LRRC9: variants seen among roughly 807,000 people sequenced by gnomAD.
LRRC9 encodes the protein leucine rich repeat containing 9, also known as leucine-rich repeat-containing protein 9.
In LRRC9, 122 loss-of-function variants were observed where a neutral mutation model predicts 63.2. The observed-to-expected ratio is 1.93, with a 90% CI of 1.67 to 2.24. The LOEUF (loss-of-function observed/expected upper bound fraction) is 2.24, where lower values mean the gene tolerates loss of function less well. Among genes scored for constraint, LRRC9 ranks in the 30% most tolerant of loss-of-function variants. LRRC9 has a pLI of 0.00. For synonymous variants in LRRC9, 366 were observed against 213.1 expected (o/e 1.72, Z -6.25); for missense variants, 1,071 against 627.7 (o/e 1.71, Z -7.55).
intron 17 of LRRC9, among the ~76,000 whole-genome samples, chr14:59,991,827 C>G (rs112359835): frequency 6.1e-4 from 89 of 145,122 alleles, no homozygotes; most frequent in African/African-American, 1.1e-3. Flanking sequence ...GCTCGAACTG[C>G]GTGGAGCCCA....
intron 29 of LRRC9, among the ~76,000 whole-genome samples, chr14:60,041,496 G>C (rs1351005062): frequency 6.6e-6 from 1 of 152,096 alleles, no homozygotes; most frequent in Non-Finnish European, 1.5e-5. Flanking sequence ...TTCGTTTGAT[G>C]TTCAATCACT....
intron 27 of LRRC9, among the ~76,000 whole-genome samples, chr14:60,023,990 G>A (rs1387717679): frequency 6.6e-6 from 1 of 152,080 alleles, no homozygotes; most frequent in East Asian, 1.9e-4. Context: ...CTTTTTTATG[G>A]CTGCATAGTA....
chr14:59,941,594 A>C (rs1881771476), intron 7 of LRRC9, among the ~76,000 whole-genome samples: 1 of 152,048 alleles, frequency 6.6e-6, no homozygotes, highest in Non-Finnish European at 1.5e-5. Context: ...ATTCAAATTT[A>C]ATTTGGCATC....
chr14:59,922,845 C>A lies in LRRC9; in HGVS notation c.-34+2962C>A, dbSNP rs1437987488. Among the ~76,000 whole-genome samples the A allele has an allele frequency of 6.6e-6, 1 of 152,164 alleles. No homozygotes were observed. The highest frequency in any genetic ancestry group is 2.4e-5 in the African/African-American group (1 of 41,442). The stretch of plus-strand genomic sequence containing the variant: ...AGAGGAAATTGAGGAAAATATAAAA[C>A]ATTTGTTGCTGAAGATCTAACTGAA... On this transcript the variant is annotated intron_variant, in intron 1 of 31. Transcript: ENST00000445360. This position sits in a 1 kb window ranked among gnomAD's most constrained non-coding sequence, Gnocchi z 5.3.
rs1889753545 is a variant in LRRC9, at chr14:59,932,044, G to T, written c.543+5G>T. The T allele has an allele frequency of 2.9e-6, 2 of 696,146 alleles. No homozygotes were observed. Among genetic ancestry groups the T allele is most frequent in the South Asian group, 3.0e-5 (2 of 66,204 alleles). 43.1% of individuals were successfully genotyped at this position (696,146 alleles called of 1,614,324 possible). A position where few individuals can be genotyped will look rare whatever the true frequency, so the allele number is the denominator to read the frequency against. On this transcript the variant is annotated splice_donor_5th_base_variant and intron_variant, in intron 6 of 31. Transcript: ENST00000445360. This position sits in a 1 kb window ranked among gnomAD's most constrained non-coding sequence, Gnocchi z 4.7. ...AACCAAATATGTTCTTTCAAGGTAT[G>T]TTTAAGTGGAATAATTAATTTTTAT...
intron 17 of LRRC9, among the ~76,000 whole-genome samples, chr14:59,988,575 C>G (rs537630631): frequency 7.2e-5 from 11 of 152,066 alleles, no homozygotes; most frequent in Admixed American, 3.3e-4. Context: ...GTCATAATGA[C>G]AGTACTTATA....
At chr14:60,056,322 G>A (rs1015761120) in intron 30 of LRRC9, among the ~76,000 whole-genome samples, 1 of 152,170 alleles carries the variant, frequency 6.6e-6, no homozygotes, top group Admixed American at 6.5e-5. Flanking sequence ...TTAAGGTAAT[G>A]CAGGCTAAAT....
chr14:59,933,230 T>G (rs1889856653), intron 6 of LRRC9, among the ~76,000 whole-genome samples: 1 of 151,866 alleles, frequency 6.6e-6, no homozygotes, highest in Non-Finnish European at 1.5e-5. Context: ...CCTGCAGCAC[T>G]CCCTATCACA....
At chr14:59,933,880 A>G (rs1354428047) in intron 6 of LRRC9, among the ~76,000 whole-genome samples, 1 of 152,200 alleles carries the variant, frequency 6.6e-6, no homozygotes, top group East Asian at 1.9e-4. Flanking sequence ...ACTGGAGTAT[A>G]GAGTATATAT....
At chr14:60,016,991 A>G (rs545562524) in intron 24 of LRRC9, among the ~76,000 whole-genome samples, 1 of 152,036 alleles carries the variant, frequency 6.6e-6, no homozygotes, top group African/African-American at 2.4e-5. Context: ...TGCAGCTTCA[A>G]CCTTGCAGGC....
At chr14:59,960,341 C>A (rs55930127) in intron 9 of LRRC9, among the ~76,000 whole-genome samples, 1,796 of 152,194 alleles carry the variant, frequency 0.012, 14 homozygotes, top group South Asian at 0.022. Context: ...ATAGATGAGA[C>A]CTGGCAAAGC....
intron 17 of LRRC9, among the ~76,000 whole-genome samples, chr14:59,989,591 G>A (rs1238564897): frequency 6.6e-6 from 1 of 151,566 alleles, no homozygotes; most frequent in African/African-American, 2.4e-5. Context: ...ACATCTTTTA[G>A]TTTGTTTTAA....
In LRRC9 at chr14:59,927,415, A is replaced by G. The variant is rs1025537112; in HGVS notation, c.-33-496A>G. 1.3e-5 allele frequency among the ~76,000 whole-genome samples: 2 copies of G among 152,078 alleles called. No individual in the cohort carries two copies. On this transcript the variant is annotated intron_variant, in intron 1 of 31. Transcript: ENST00000445360. The surrounding 1 kb of genome is among the most constrained non-coding windows in gnomAD (Gnocchi z 4.4). The stretch of plus-strand genomic sequence containing the variant: ...AGTTGGAGTATTTATTTTAATAAAC[A>G]CTTATTACTATGCCAAAAATGTTGC...
intron 8 of LRRC9, among the ~76,000 whole-genome samples, chr14:59,946,487 A>C (rs991009644): frequency 6.7e-6 from 1 of 148,932 alleles, no homozygotes; most frequent in Non-Finnish European, 1.5e-5. Context: ...TGCTTAATCT[A>C]TTTTCTTTTT....
At chr14:59,976,156 G>A (rs2140068048) in intron 13 of LRRC9, among the ~76,000 whole-genome samples, 1 of 152,340 alleles carries the variant, frequency 6.6e-6, no homozygotes, top group African/African-American at 2.4e-5. Flanking sequence ...CCATCTAGAT[G>A]CAGGAAAACA....
At chr14:59,953,674 A>G (rs1343479388) in intron 8 of LRRC9, among the ~76,000 whole-genome samples, 1 of 151,970 alleles carries the variant, frequency 6.6e-6, no homozygotes, top group Non-Finnish European at 1.5e-5. Context: ...ATTAGATCCC[A>G]TTTGTCAATT....
chr14:59,970,707 C>G (rs190251088), intron 12 of LRRC9, among the ~76,000 whole-genome samples: 4 of 152,034 alleles, frequency 2.6e-5, no homozygotes, highest in Admixed American at 2.6e-4. Context: ...TTTTCTTATG[C>G]TTATTGGCCA....
At chr14:60,064,277 C>A (rs1894821978), downstream of LRRC9, among the ~76,000 whole-genome samples, 2 of 152,102 alleles carry the variant, frequency 1.3e-5, no homozygotes, top group Non-Finnish European at 2.9e-5. Flanking sequence ...AAATTGATAA[C>A]CAAATTGCCA....
At chr14:59,951,783 G>C (rs1417202686) in intron 8 of LRRC9, among the ~76,000 whole-genome samples, 1 of 151,368 alleles carries the variant, frequency 6.6e-6, no homozygotes, top group Non-Finnish European at 1.5e-5. Flanking sequence ...TGCCCCTGCT[G>C]GGGGGTAGGC....
Sources: allele counts gnomAD v4.1 joint callset (sites outside exome capture counted in the v4.1 genomes callset), GRCh38; gene constraint gnomAD v4.1.1; non-coding constraint Gnocchi (gnomAD v3.1); transcripts MANE v1.5; gene names NCBI Gene and HGNC (gene_info 2026-07-23, HGNC 2026-07-21).